Variants in LAMA3 observed in about 807,000 individuals in gnomAD.
LAMA3 encodes laminin subunit alpha 3, also known as laminin subunit alpha-3.
Under a neutral mutation model 402.0 loss-of-function variants are expected in LAMA3, and 281 were observed. That is an observed-to-expected ratio of 0.70 (90% CI 0.63 to 0.77). The LOEUF (loss-of-function observed/expected upper bound fraction) is 0.77, where lower values mean the gene tolerates loss of function less well. LAMA3 is among the 30% of genes least tolerant of loss of function. LAMA3 has a pLI of 0.00. For missense variants in LAMA3, 3,840 were observed against 4,215.5 expected, an observed-to-expected ratio of 0.91 and a Z score of 2.47; for synonymous variants, 1,431 against 1,558.4, an observed-to-expected ratio of 0.92 and a Z score of 1.93.
chr18:23,835,499 A>T (rs1045706281), intron 24 of LAMA3, among the ~76,000 whole-genome samples: 2 of 152,200 alleles, frequency 1.3e-5, no homozygotes, highest in African/African-American at 4.8e-5. Context: ...CAGTCTGCAG[A>T]TCATTTTGGC....
chr18:23,772,964 A>T (rs142860436), intron 8 of LAMA3, among the ~76,000 whole-genome samples: 1 of 152,268 alleles, frequency 6.6e-6, no homozygotes, highest in African/African-American at 2.4e-5. Context: ...TATGAGACTC[A>T]TGCCTCCATT....
chr18:23,695,939 T>C (rs1021136401), intron 1 of LAMA3, among the ~76,000 whole-genome samples: 1 of 149,550 alleles, frequency 6.7e-6, no homozygotes, highest in Non-Finnish European at 1.5e-5. Flanking sequence ...GGGTGGTGCA[T>C]ACCTGTGAGC....
chr18:23,918,315 C>T lies in LAMA3; in HGVS notation c.7923+1620C>T, dbSNP rs2081709692. On this transcript the variant is annotated intron_variant, in intron 60 of 74. Coordinates refer to ENST00000313654, the MANE Select transcript of LAMA3 (RefSeq NM_198129.4). The surrounding 1 kb of genome is among the most constrained non-coding windows in gnomAD (Gnocchi z 4.1). ...CCCCCAAAATGTGGGAGAAATCTCCCCTTTTCCTGTTCTATTCTCATTATC... is the reference window on the plus strand; with the variant it reads ...CCCCCAAAATGTGGGAGAAATCTCCTCTTTTCCTGTTCTATTCTCATTATC... 6.6e-6 allele frequency among the ~76,000 whole-genome samples: 1 copy of T among 152,164 alleles called. No individual in the cohort carries two copies. Among genetic ancestry groups the T allele is most frequent in the Admixed American group, 6.5e-5 (1 of 15,284 alleles).
chr18:23,766,433 C>T (rs2062076233), intron 8 of LAMA3, among the ~76,000 whole-genome samples: 1 of 152,122 alleles, frequency 6.6e-6, no homozygotes, highest in Non-Finnish European at 1.5e-5. Context: ...ACAAGATATG[C>T]TAAAGGAAGT....
chr18:23,812,300 C>T lies in LAMA3; in HGVS notation c.1742-757C>T, dbSNP rs1941517. ...GAGGTTGCAGTGAGCTATGATCGTGCCACTGCACTCCAACCTGGAAGACAG... is the reference window on the plus strand; with the variant it reads ...GAGGTTGCAGTGAGCTATGATCGTGTCACTGCACTCCAACCTGGAAGACAG... On this transcript the variant is annotated intron_variant, in intron 13 of 74. Coordinates refer to ENST00000313654, the MANE Select transcript of LAMA3 (RefSeq NM_198129.4). 1.3e-3 allele frequency among the ~76,000 whole-genome samples: 193 copies of T among 152,242 alleles called. 3 individuals are homozygous for T. The South Asian group carries it at 0.016, about 13-fold the overall frequency.
chr18:23,921,881 A>G (rs558436610), intron 62 of LAMA3, among the ~76,000 whole-genome samples: 1 of 152,346 alleles, frequency 6.6e-6, no homozygotes, highest in South Asian at 2.1e-4. Context: ...AGTAGAACAG[A>G]GGCTGTGGCC....
At chr18:23,793,569 C>A (rs915415452) in intron 12 of LAMA3, among the ~76,000 whole-genome samples, 12 of 151,526 alleles carry the variant, frequency 7.9e-5, no homozygotes, top group African/African-American at 2.2e-4. Context: ...GGAAGAAGAG[C>A]CAGTTTGAGA....
chr18:23,775,038 G>A (rs752708686), intron 9 of LAMA3, among the ~76,000 whole-genome samples: 1 of 152,170 alleles, frequency 6.6e-6, no homozygotes. Context: ...GGATCAGTAG[G>A]ACACATGAAT....
intron 5 of LAMA3, 57 bp from the exon 6 acceptor site, chr18:23,753,664 G>T (rs1598723622): frequency 5.2e-6 from 7 of 1,340,600 alleles, no homozygotes; most frequent in African/African-American, 4.3e-5. Context: ...AGACTAGTAA[G>T]AGAAAGTTTT....
At chr18:23,690,007 C>T (rs1426998169) in intron 1 of LAMA3, 30 bp downstream of exon 1, 12 of 1,387,052 alleles carry the variant, frequency 8.7e-6, no homozygotes, top group African/African-American at 1.5e-5. Flanking sequence ...CCGGGGTGGG[C>T]GCGCCTTTTC....
At chr18:23,848,988 T>G (rs1323721317) in intron 32 of LAMA3, among the ~76,000 whole-genome samples, 1 of 152,184 alleles carries the variant, frequency 6.6e-6, no homozygotes, top group Non-Finnish European at 1.5e-5. Flanking sequence ...CGTTTCCCTC[T>G]CTGTACGTGT....
rs772993076 is a variant in LAMA3 at position 23,949,904 on chromosome 18, A to G, written c.9491A>G (p.Glu3164Gly). 2.5e-6 allele frequency: 4 copies of G among 1,613,968 alleles called. No individual in the cohort carries two copies. The Admixed American group carries it at 6.7e-5, about 27-fold the overall frequency. The change falls in exon 71 of 75, where the codon GAA becomes GGA. Residue 3164 changes from glutamate (E) to glycine (G), a missense_variant. By Grantham distance (98) the Glu-to-Gly change is moderately conservative. This residue lies in a region of LAMA3 where 840 missense variants were observed against 981.9 expected (regional missense o/e 0.86). Coordinates refer to ENST00000313654, the MANE Select transcript of LAMA3 (RefSeq NM_198129.4). ...GAGAAAGGCATTTATTTCTCTGAAG[A>G]AGGAGGTCATGTCGTCTTGGGTAAG... is the stretch of plus-strand genomic sequence containing the variant. The part of the protein sequence containing the change: ...PLEKGIYFSE[E>G]GGHVVLAHSV...
At position 23,751,075 on chromosome 18, in the gene LAMA3, C is replaced by G; in HGVS notation, c.842C>G (p.Thr281Ser). 1 of 1,614,140 alleles carries G rather than the reference C, an allele frequency of 6.2e-7. No individual in the cohort carries two copies. The highest frequency in any genetic ancestry group is 8.5e-7 in the Non-Finnish European group (1 of 1,179,994). ...HLISKAQRDPTVTRRYYYSIK... is the reference protein window; with the variant it reads ...HLISKAQRDPSVTRRYYYSIK... ...ATCTCCAAAGCCCAGCGAGATCCAA[C>G]TGTCACTCGGCGGGTGAGTAGTCAG... The change falls in exon 5 of 75, where the codon ACT becomes AGT. Residue 281 changes from threonine to serine, a missense_variant. Physicochemically the swap from Thr to Ser is moderately conservative, Grantham distance 58 (BLOSUM62 1). This residue lies in a region of LAMA3 where 2,109 missense variants were observed against 2,376.0 expected (regional missense o/e 0.89). Transcript: ENST00000313654.
chr18:23,924,543 C>CTTTTTTTT (rs66546657), intron 62 of LAMA3, among the ~76,000 whole-genome samples: 2 of 89,106 alleles, frequency 2.2e-5, no homozygotes, highest in African/African-American at 7.1e-5. Flanking sequence ...CTTTTTTTTT[C>CTTTTTTTT]TTTTTTTTTT....
At chr18:23,900,412 A>G (rs530549225) in intron 47 of LAMA3, among the ~76,000 whole-genome samples, 20 of 152,322 alleles carry the variant, frequency 1.3e-4, no homozygotes, top group Admixed American at 5.2e-4. Context: ...GCAACCTGTC[A>G]CATGAGGTCA....
intron 32 of LAMA3, among the ~76,000 whole-genome samples, chr18:23,854,745 G>A (rs1329536527): frequency 6.6e-6 from 1 of 151,738 alleles, no homozygotes; most frequent in Non-Finnish European, 1.5e-5. Context: ...TGCACTTTGG[G>A]AGGCCAAGGA....
intron 13 of LAMA3, among the ~76,000 whole-genome samples, chr18:23,812,796 A>G (rs1173892026): frequency 1.3e-5 from 2 of 152,242 alleles, no homozygotes; most frequent in African/African-American, 4.8e-5. Flanking sequence ...CTCCTCCTTC[A>G]TCATCAATTA....
At chr18:23,846,896 A>C (rs150151285) in intron 31 of LAMA3, among the ~76,000 whole-genome samples, 12 of 152,292 alleles carry the variant, frequency 7.9e-5, no homozygotes, top group Non-Finnish European at 8.8e-5. Flanking sequence ...AACTCAGTTG[A>C]GATAGGACAG....
chr18:23,824,370 A>G lies in LAMA3; in HGVS notation c.2429-53A>G, dbSNP rs1941521. ...TGTTCAAAACTGAATATCTAAAATCATAACACTGACTGATAGAAAAATGCC... is the reference window on the plus strand; with the variant it reads ...TGTTCAAAACTGAATATCTAAAATCGTAACACTGACTGATAGAAAAATGCC... On this transcript the variant is annotated intron_variant, in intron 20 of 74. Transcript: ENST00000313654. 0.72 allele frequency: 1,140,608 copies of G among 1,592,610 alleles called. 409,738 individuals carry two copies. Among genetic ancestry groups the G allele is most frequent in the East Asian group, 0.81 (36,257 of 44,752 alleles).
Sources: allele counts gnomAD v4.1 joint callset (sites outside exome capture counted in the v4.1 genomes callset), GRCh38; gene constraint gnomAD v4.1.1; regional missense constraint gnomAD v4.1.1; non-coding constraint Gnocchi (gnomAD v3.1); transcripts MANE v1.5; gene names NCBI Gene and HGNC (gene_info 2026-07-23, HGNC 2026-07-21).